The following PCDHA7 variants were observed in gnomAD, a reference collection of about 807,000 sequenced individuals.
The protein encoded by PCDHA7 is protocadherin alpha 7.
Under a neutral mutation model 57.2 loss-of-function variants are expected in PCDHA7, and 37 were observed. That is an observed-to-expected ratio of 0.65 (90% CI 0.50 to 0.85). The LOEUF is 0.85. PCDHA7 is among the 40% of genes least tolerant of loss of function. The pLI, the probability that PCDHA7 is intolerant of heterozygous loss-of-function variation, is 0.00. For synonymous variants in PCDHA7, 553 were observed against 558.8 expected (o/e 0.99, Z 0.15); for missense variants, 1,188 against 1,241.8 (o/e 0.96, Z 0.65).
At chr5:140,983,583 CT>C (rs2153831802) in intron 3 of PCDHA7, among the ~76,000 whole-genome samples, 1 of 152,306 alleles carries the variant, frequency 6.6e-6, no homozygotes, top group African/African-American at 2.4e-5. Context: ...TTTATTACAT[CT>C]ATTCTACATA....
intron 1 of PCDHA7, chr5:140,968,070 A>T: frequency 6.2e-7 from 1 of 1,614,152 alleles, no homozygotes; most frequent in Non-Finnish European, 8.5e-7. Context: ...GTGGCTGTCT[A>T]CAACATCACG....
In PCDHA7 at chr5:140,968,789, G is replaced by A. The variant is rs782339889; in HGVS notation, c.2356-10160G>A. 16 of 1,614,060 alleles carry A rather than the reference G, an allele frequency of 9.9e-6. No individual in the cohort carries two copies. In the African/African-American group the frequency reaches 1.7e-4, roughly 18 times the overall value. On this transcript the variant is annotated intron_variant, in intron 1 of 3. Transcript: ENST00000525929. The stretch of plus-strand genomic sequence containing the variant: ...AGAGCCATCACTATCAGCCTCTGTG[G>A]CCATTACAGTAGCTGTGGTGGATAG...
At chr5:140,955,190 A>G (rs1269758289) in intron 1 of PCDHA7, among the ~76,000 whole-genome samples, 2 of 152,050 alleles carry the variant, frequency 1.3e-5, no homozygotes, top group Admixed American at 6.6e-5. Flanking sequence ...TGTGGTGTAT[A>G]TGAAGTCAAT....
intron 3 of PCDHA7, among the ~76,000 whole-genome samples, chr5:140,997,970 G>A (rs2097791868): frequency 2.0e-5 from 3 of 152,106 alleles, no homozygotes; most frequent in Admixed American, 2.0e-4. Context: ...ACCTGTGGTT[G>A]GACTGCACTT....
intron 1 of PCDHA7, among the ~76,000 whole-genome samples, chr5:140,908,540 G>T (rs1562965244): frequency 6.6e-6 from 1 of 152,150 alleles, no homozygotes; most frequent in African/African-American, 2.4e-5. Flanking sequence ...TTCCACCAAA[G>T]CCCAGTAATA....
chr5:140,856,215 C>A lies in PCDHA7; in HGVS notation c.2355+19477C>A, dbSNP rs781995878. ...GCGCAGGACCTGGGGCTGGAGCTGGCGGAGCTGGTGCAGCGCCTGTTCCGG... is the reference window on the plus strand; with the variant it reads ...GCGCAGGACCTGGGGCTGGAGCTGGAGGAGCTGGTGCAGCGCCTGTTCCGG... On this transcript the variant is annotated intron_variant, in intron 1 of 3. Coordinates refer to ENST00000525929, the MANE Select transcript of PCDHA7 (RefSeq NM_018910.3). 3 of 1,597,902 alleles carry A rather than the reference C, an allele frequency of 1.9e-6. No individual in the cohort carries two copies. Among genetic ancestry groups the A allele is most frequent in the African/African-American group, 1.3e-5 (1 of 74,266 alleles).
intron 1 of PCDHA7, chr5:140,866,579 G>A (rs2049440989): frequency 6.6e-6 from 1 of 152,136 alleles, no homozygotes; most frequent in African/African-American, 2.4e-5. Context: ...ACAGTGGTTG[G>A]ATAATGTAAT....
At chr5:140,915,646 C>A (rs2077236708) in intron 1 of PCDHA7, among the ~76,000 whole-genome samples, 1 of 151,916 alleles carries the variant, frequency 6.6e-6, no homozygotes, top group Non-Finnish European at 1.5e-5. Flanking sequence ...CTCTCTCTCT[C>A]TCTCTCTCTC....
intron 3 of PCDHA7, among the ~76,000 whole-genome samples, chr5:140,993,305 G>C (rs1405035028): frequency 6.6e-6 from 1 of 151,998 alleles, no homozygotes; most frequent in African/African-American, 2.4e-5. Flanking sequence ...CTTGCCTCCA[G>C]GATAATACCT....
Position 140,843,638 on chromosome 5 carries a change from A to G in PCDHA7, c.2355+6900A>G, listed in dbSNP as rs2150364336. On this transcript the variant is annotated intron_variant, in intron 1 of 3. Transcript: ENST00000525929. ...ACCGAAGACGGACCTCATGGCCTTC[A>G]GCCCCTGCCTTCCTCCTGATCTGGG... 6.9e-6 allele frequency: 11 copies of G among 1,595,882 alleles called. 1 individual carries two copies. In the African/African-American group the frequency reaches 9.4e-5, roughly 14 times the overall value.
At chr5:140,862,241 T>C (rs1554155946) in intron 1 of PCDHA7, 3 of 213,712 alleles carry the variant, frequency 1.4e-5, no homozygotes, top group Non-Finnish European at 2.8e-5. Flanking sequence ...ACATCAATGA[T>C]AGTGTTCCAG....
rs2150454845 is a variant in PCDHA7 at position 140,849,865 on chromosome 5, A to C, written c.2355+13127A>C. On this transcript the variant is annotated intron_variant, in intron 1 of 3. Transcript: ENST00000525929. ...AACGACAACGCACCAGCGTTCGCGC[A>C]GTCCGAGTACACGGTGTTCGTGAAG... 1.4e-5 allele frequency: 23 copies of C among 1,598,572 alleles called. 3 individuals carry two copies. The highest frequency in any genetic ancestry group is 1.8e-5 in the Non-Finnish European group (21 of 1,167,972).
rs782250124 is a variant in PCDHA7, at chr5:140,870,603, C to G, written c.2355+33865C>G. 14 of 1,613,222 alleles carry G rather than the reference C, an allele frequency of 8.7e-6. No individual in the cohort carries two copies. In the Middle Eastern group the frequency reaches 5.0e-4, roughly 58 times the overall value. On this transcript the variant is annotated intron_variant, in intron 1 of 3. Coordinates refer to ENST00000525929, the MANE Select transcript of PCDHA7 (RefSeq NM_018910.3). ...CGCTGGTGGAGCGGCGGTTGGGCGA[C>G]CGCGCGCTGTCGAGCTACGTGTCGG...
chr5:140,895,914 A>G (rs570826611), intron 1 of PCDHA7, among the ~76,000 whole-genome samples: 43 of 152,162 alleles, frequency 2.8e-4, no homozygotes, highest in Non-Finnish European at 1.3e-4. Flanking sequence ...CGGGCTCAAC[A>G]ATTATCCTGC....
intron 1 of PCDHA7, chr5:140,884,259 C>T (rs1554181391): frequency 1.9e-6 from 3 of 1,613,378 alleles, no homozygotes; most frequent in Admixed American, 1.7e-5. Flanking sequence ...GCCACGGCAA[C>T]GGTGCTGTTG....
rs1456412206 is a variant in PCDHA7 at position 140,836,003 on chromosome 5, G to T, written c.1620G>T (p.Ala540=). The T allele has an allele frequency of 3.1e-6, 5 of 1,613,328 alleles. No individual in the cohort carries two copies. Among genetic ancestry groups the T allele is most frequent in the African/African-American group, 2.7e-5 (2 of 75,020 alleles). Reference sequence around the variant, plus strand: ...AGTTCCAGGTGAGCGCGCGCGATGCGGGCGTGCCGCCTCTGGGCAGCAACG... The same window carrying T: ...AGTTCCAGGTGAGCGCGCGCGATGCTGGCGTGCCGCCTCTGGGCAGCAACG... ...LLQFQVSARD[A]GVPPLGSNVT... Residue 540 remains alanine, a synonymous_variant, in exon 1 of 4, where the codon GCG becomes GCT. Coordinates refer to ENST00000525929, the MANE Select transcript of PCDHA7 (RefSeq NM_018910.3).
chr5:140,877,868 T>A, intron 1 of PCDHA7: 1 of 1,488,916 alleles, frequency 6.7e-7, no homozygotes, highest in Non-Finnish European at 8.9e-7. Context: ...TTAGATATAT[T>A]TGTTTCCTTG....
At chr5:140,966,679 G>A (rs1554228549) in intron 1 of PCDHA7, 1 of 1,317,562 alleles carries the variant, frequency 7.6e-7, no homozygotes, top group Non-Finnish European at 9.8e-7. Flanking sequence ...AGGGTGGCAC[G>A]AGCGGAGGCG....
chr5:140,883,184 G>T (rs1341554668), intron 1 of PCDHA7: 10 of 1,613,756 alleles, frequency 6.2e-6, no homozygotes, highest in Non-Finnish European at 8.5e-6. Flanking sequence ...TAGGACAAAA[G>T]GCAAACTAGA....
Sources: allele counts gnomAD v4.1 joint callset (sites outside exome capture counted in the v4.1 genomes callset), GRCh38; gene constraint gnomAD v4.1.1; transcripts MANE v1.5; gene names NCBI Gene and HGNC (gene_info 2026-07-23, HGNC 2026-07-21).